Variants in FGF13 observed in about 807,000 individuals in gnomAD.
FGF13 encodes the protein fibroblast growth factor homologous factor 2.
A neutral mutation model predicts 19.5 loss-of-function variants in FGF13; 2 were observed. The observed-to-expected ratio is 0.10, with a 90% CI of 0.04 to 0.32. The LOEUF is 0.32. Ranked by LOEUF, FGF13 falls within the 10% of genes least tolerant of loss-of-function variation. The pLI is 1.00. For missense variants in FGF13, 113 were observed against 192.7 expected, an observed-to-expected ratio of 0.59 and a Z score of 2.45; for synonymous variants, 72 against 76.9, an observed-to-expected ratio of 0.94 and a Z score of 0.33.
At chrX:138,782,217 A>G (rs1283870794) in intron 3 of FGF13, among the ~76,000 whole-genome samples, 8 of 112,525 alleles carry the variant, frequency 7.1e-5, no homozygotes, top group African/African-American at 2.6e-4. Flanking sequence ...GCCTGGGCAA[A>G]AACTGGAAGC....
intron 1 of FGF13, among the ~76,000 whole-genome samples, chrX:138,992,717 T>C (rs2092022435): frequency 8.9e-6 from 1 of 111,975 alleles, no homozygotes; most frequent in Non-Finnish European, 1.9e-5. Flanking sequence ...GATAGAACAT[T>C]GCTATTGGGC....
intron 3 of FGF13, among the ~76,000 whole-genome samples, chrX:138,751,051 A>G (rs2090394486): frequency 9.0e-6 from 1 of 111,461 alleles, no homozygotes; most frequent in African/African-American, 3.3e-5. Context: ...TGAGAGTTCA[A>G]ATAAAACACT....
At chrX:138,906,025 GA>G (rs2091556622) in intron 1 of FGF13, among the ~76,000 whole-genome samples, 1 of 111,180 alleles carries the variant, frequency 9.0e-6, no homozygotes, top group African/African-American at 3.3e-5. Context: ...TCATTTTATC[GA>G]AAGAGTTTTA....
At chrX:138,954,363 A>G (rs1301155495) in intron 1 of FGF13, among the ~76,000 whole-genome samples, 1 of 111,886 alleles carries the variant, frequency 8.9e-6, no homozygotes, top group African/African-American at 3.2e-5. Flanking sequence ...AATTTTTAAG[A>G]CAGAAAGTGA....
At chrX:138,876,499 G>A (rs760964283) in intron 1 of FGF13, among the ~76,000 whole-genome samples, 3 of 112,266 alleles carry the variant, frequency 2.7e-5, no homozygotes, top group African/African-American at 9.7e-5. Flanking sequence ...GCAGGCCTAC[G>A]AGGGGGCCAC....
chrX:138,918,568 G>A (rs1051060772), intron 1 of FGF13, among the ~76,000 whole-genome samples: 2 of 111,479 alleles, frequency 1.8e-5, no homozygotes, highest in African/African-American at 3.3e-5. Context: ...TTGATAAAGG[G>A]TCACTGATCA....
intron 1 of FGF13, among the ~76,000 whole-genome samples, chrX:139,112,604 G>A (rs1034147576): frequency 1.1e-4 from 12 of 111,576 alleles, no homozygotes; most frequent in African/African-American, 3.9e-4. Context: ...TCACAACTGG[G>A]CTCAAATCCA....
At chrX:138,666,305 G>GA (rs972058040) in intron 3 of FGF13, among the ~76,000 whole-genome samples, 1 of 110,866 alleles carries the variant, frequency 9.0e-6, no homozygotes, top group East Asian at 2.8e-4. Context: ...TTCCTGAAAA[G>GA]AAAAAAATGT....
At chrX:138,742,080 G>A (rs749576275), upstream of FGF13, among the ~76,000 whole-genome samples, 3 of 111,573 alleles carry the variant, frequency 2.7e-5, no homozygotes, top group Non-Finnish European at 3.8e-5. Flanking sequence ...TTTTCTGCCA[G>A]CCCCTCCACA....
chrX:139,108,315 A>T (rs1187725834), intron 1 of FGF13, among the ~76,000 whole-genome samples: 1 of 111,852 alleles, frequency 8.9e-6, no homozygotes. Flanking sequence ...TAAATGCCTT[A>T]GTCAGGCATC....
chrX:138,929,797 C>G (rs921884705), intron 1 of FGF13, among the ~76,000 whole-genome samples: 1 of 109,922 alleles, frequency 9.1e-6, no homozygotes, highest in Non-Finnish European at 1.9e-5. Context: ...CTGTATTACT[C>G]TAGAGCAACT....
intron 3 of FGF13, among the ~76,000 whole-genome samples, chrX:138,765,292 T>G (rs1219396652): frequency 8.9e-6 from 1 of 112,167 alleles, no homozygotes; most frequent in Non-Finnish European, 1.9e-5. Flanking sequence ...ACTTGCTTAG[T>G]CACCCCTTCA....
chrX:138,719,228 T>C (rs1004045996), intron 1 of FGF13, among the ~76,000 whole-genome samples: 1 of 112,034 alleles, frequency 8.9e-6, no homozygotes, highest in Admixed American at 9.5e-5. Flanking sequence ...AGATGAAATA[T>C]AGCATGATTT....
At chrX:138,962,644 A>C (rs2091877580) in intron 1 of FGF13, among the ~76,000 whole-genome samples, 1 of 112,394 alleles carries the variant, frequency 8.9e-6, no homozygotes, top group South Asian at 3.7e-4. Context: ...GCACATATAC[A>C]CCAAGGAATA....
At chrX:138,663,305 G>A (rs781652347) in intron 3 of FGF13, among the ~76,000 whole-genome samples, 3 of 111,619 alleles carry the variant, frequency 2.7e-5, no homozygotes, top group African/African-American at 9.7e-5. Context: ...GTGTGGTGAG[G>A]CTAAGCCAGC....
At chrX:138,976,620 G>T (rs1357630699) in intron 1 of FGF13, among the ~76,000 whole-genome samples, 1 of 111,068 alleles carries the variant, frequency 9.0e-6, no homozygotes, top group Non-Finnish European at 1.9e-5. Flanking sequence ...AGGTGATGGG[G>T]GCACTAAAGT....
intron 1 of FGF13, among the ~76,000 whole-genome samples, chrX:138,932,786 T>C (rs769074738): frequency 1.2e-3 from 135 of 108,922 alleles, no homozygotes; most frequent in African/African-American, 4.3e-3. Flanking sequence ...TGTTTTTACA[T>C]TATAGAACTG....
intron 1 of FGF13, among the ~76,000 whole-genome samples, chrX:139,162,493 C>T (rs1242481459): frequency 1.8e-5 from 2 of 111,857 alleles, no homozygotes; most frequent in Non-Finnish European, 3.8e-5. Flanking sequence ...AAAGATGTCA[C>T]GACTGAAATA....
At chrX:138,695,639 T>C (rs973770244) in intron 3 of FGF13, among the ~76,000 whole-genome samples, 1 of 111,459 alleles carries the variant, frequency 9.0e-6, no homozygotes, top group Non-Finnish European at 1.9e-5. Flanking sequence ...AATCGGAGGA[T>C]AGGATATATG....
Sources: allele counts gnomAD v4.1 joint callset (sites outside exome capture counted in the v4.1 genomes callset), GRCh38; gene constraint gnomAD v4.1.1; transcripts MANE v1.5; gene names NCBI Gene and HGNC (gene_info 2026-07-23, HGNC 2026-07-21).